Variants in CCSER1 observed in about 807,000 individuals in gnomAD.
CCSER1 encodes the protein serine-rich coiled-coil domain-containing protein 1.
Under a neutral mutation model 82.0 loss-of-function variants are expected in CCSER1, and 41 were observed. That is an observed-to-expected ratio of 0.50 (90% CI 0.39 to 0.65). The LOEUF (loss-of-function observed/expected upper bound fraction) is 0.65. Ranked by LOEUF, CCSER1 falls within the 30% of genes least tolerant of loss-of-function variation. CCSER1 has a pLI of 0.00. For synonymous variants in CCSER1, 414 were observed against 383.9 expected, an observed-to-expected ratio of 1.08 and a Z score of -0.92; for missense variants, 1,119 against 1,064.2, an observed-to-expected ratio of 1.05 and a Z score of -0.72.
At chr4:90,556,691 C>T (rs556939304) in intron 5 of CCSER1, among the ~76,000 whole-genome samples, 27 of 151,334 alleles carry the variant, frequency 1.8e-4, no homozygotes, top group Non-Finnish European at 3.1e-4. Context: ...TTATTCATTA[C>T]GTGGAAGTGG....
intron 10 of CCSER1, among the ~76,000 whole-genome samples, chr4:91,099,607 C>G (rs1170493981): frequency 6.6e-6 from 1 of 152,028 alleles, no homozygotes. Context: ...AGACATCAAT[C>G]AAATACATTT....
intron 10 of CCSER1, among the ~76,000 whole-genome samples, chr4:91,410,224 T>C (rs578212737): frequency 6.6e-6 from 1 of 152,314 alleles, no homozygotes; most frequent in South Asian, 2.1e-4. Context: ...TTGAGTAAAA[T>C]TTTGGAGGAG....
chr4:91,092,172 G>C (rs1053247849), intron 10 of CCSER1, among the ~76,000 whole-genome samples: 1 of 152,030 alleles, frequency 6.6e-6, no homozygotes, highest in African/African-American at 2.4e-5. Flanking sequence ...CACCTTTCCG[G>C]AACTGTGAGG....
At chr4:91,067,648 CCTT>C (rs1411274338) in intron 9 of CCSER1, among the ~76,000 whole-genome samples, 2 of 152,090 alleles carry the variant, frequency 1.3e-5, no homozygotes, top group African/African-American at 4.8e-5. Context: ...CCCACCCCAT[CCTT>C]CTTCTTTAAG....
At chr4:91,126,274 A>G (rs950282247) in intron 10 of CCSER1, among the ~76,000 whole-genome samples, 2 of 151,904 alleles carry the variant, frequency 1.3e-5, no homozygotes, top group African/African-American at 4.8e-5. Flanking sequence ...TACTTACACA[A>G]GAAAATTAGT....
chr4:90,430,985 C>T (rs940717387), intron 4 of CCSER1, among the ~76,000 whole-genome samples: 4 of 151,958 alleles, frequency 2.6e-5, no homozygotes, highest in Admixed American at 6.6e-5. Context: ...TCATGCTGAA[C>T]ACAAATTTTT....
intron 5 of CCSER1, among the ~76,000 whole-genome samples, chr4:90,599,092 G>A (rs1272834470): frequency 2.0e-5 from 3 of 152,030 alleles, no homozygotes; most frequent in South Asian, 2.1e-4. Context: ...TGAATCCCAG[G>A]CAATTCCCTA....
chr4:91,521,388 T>C (rs1760462412), intron 10 of CCSER1, among the ~76,000 whole-genome samples: 1 of 152,228 alleles, frequency 6.6e-6, no homozygotes, highest in Admixed American at 6.5e-5. Flanking sequence ...CCTTTGAGTA[T>C]ATACCCAGTA....
At chr4:91,579,112 A>C (rs188809110) in intron 10 of CCSER1, among the ~76,000 whole-genome samples, 1 of 151,136 alleles carries the variant, frequency 6.6e-6, no homozygotes, top group Non-Finnish European at 1.5e-5. Context: ...CTTTACTATT[A>C]TTATTATATT....
At chr4:90,830,387 T>A (rs963655799) in intron 8 of CCSER1, among the ~76,000 whole-genome samples, 15 of 152,170 alleles carry the variant, frequency 9.9e-5, no homozygotes, top group Admixed American at 6.6e-5. Context: ...TAAATTTTAC[T>A]ATGTTTGCTA....
intron 7 of CCSER1, among the ~76,000 whole-genome samples, chr4:90,746,795 T>G (rs972079571): frequency 1.2e-4 from 18 of 152,244 alleles, no homozygotes; most frequent in African/African-American, 2.9e-4. Context: ...CTTAGATTAT[T>G]CATTCTTAAT....
intron 9 of CCSER1, among the ~76,000 whole-genome samples, chr4:91,032,771 A>G (rs1741096826): frequency 6.6e-6 from 1 of 152,232 alleles, no homozygotes; most frequent in Non-Finnish European, 1.5e-5. Context: ...CCTGGAAGGC[A>G]TTTTAAAATA....
At chr4:91,504,549 A>T (rs1419323622) in intron 10 of CCSER1, among the ~76,000 whole-genome samples, 1 of 152,130 alleles carries the variant, frequency 6.6e-6, no homozygotes, top group African/African-American at 2.4e-5. Flanking sequence ...AAATTTCATT[A>T]TATCATCACA....
chr4:90,344,005 C>A (rs560209973), intron 3 of CCSER1, among the ~76,000 whole-genome samples: 1 of 152,168 alleles, frequency 6.6e-6, no homozygotes, highest in East Asian at 1.9e-4. Context: ...ATTTTTTGTA[C>A]CCATTAACCA....
chr4:91,393,970 A>G (rs1751816809), intron 10 of CCSER1, among the ~76,000 whole-genome samples: 1 of 152,244 alleles, frequency 6.6e-6, no homozygotes, highest in East Asian at 1.9e-4. Context: ...TACATTTACA[A>G]GATGCTTGGA....
chr4:90,921,872 G>T (rs1350708643), intron 8 of CCSER1, among the ~76,000 whole-genome samples: 1 of 151,974 alleles, frequency 6.6e-6, no homozygotes, highest in Non-Finnish European at 1.5e-5. Flanking sequence ...ACCTTTCAAT[G>T]ATGGACAATG....
At chr4:90,658,136 T>G (rs2149081508) in intron 6 of CCSER1, among the ~76,000 whole-genome samples, 1 of 152,070 alleles carries the variant, frequency 6.6e-6, no homozygotes, top group East Asian at 1.9e-4. Context: ...AAAAAAACTC[T>G]CTATGTAGAT....
chr4:91,530,390 C>T (rs573675882), intron 10 of CCSER1, among the ~76,000 whole-genome samples: 8 of 152,034 alleles, frequency 5.3e-5, no homozygotes, highest in African/African-American at 1.7e-4. Flanking sequence ...GATTTAAGAT[C>T]TTACAGATAA....
intron 1 of CCSER1, among the ~76,000 whole-genome samples, chr4:90,134,166 C>G (rs1023632267): frequency 6.6e-6 from 1 of 152,032 alleles, no homozygotes; most frequent in Admixed American, 6.6e-5. Flanking sequence ...ATGAGGAAAC[C>G]GAGTCTCTGT....
Sources: gnomAD v4.1 joint callset for allele counts (sites outside exome capture counted in the v4.1 genomes callset) on GRCh38, gnomAD v4.1.1 for gene constraint, MANE v1.5 for transcripts, NCBI Gene and HGNC (gene_info 2026-07-23, HGNC 2026-07-21) for gene names.